Variants in NCK2 observed in about 807,000 individuals in gnomAD.
NCK2 encodes the protein cytoplasmic protein NCK2.
Under a neutral mutation model 33.9 loss-of-function variants are expected in NCK2, and 16 were observed. The observed-to-expected ratio is 0.47, with a 90% CI of 0.32 to 0.72. The LOEUF is 0.72. NCK2 is among the 30% of genes least tolerant of loss of function. The pLI is 0.03. For synonymous variants in NCK2, 273 were observed against 239.9 expected (o/e 1.14, Z -1.27); for missense variants, 418 against 537.3 (o/e 0.78, Z 2.19).
At chr2:105,856,503 G>A (rs1677277087) in intron 3 of NCK2, among the ~76,000 whole-genome samples, 1 of 152,212 alleles carries the variant, frequency 6.6e-6, no homozygotes, top group Non-Finnish European at 1.5e-5. Context: ...GGAGAATGAG[G>A]AATACGTAGG....
At chr2:105,807,182 C>A (rs1203246053) in intron 1 of NCK2, among the ~76,000 whole-genome samples, 1 of 152,218 alleles carries the variant, frequency 6.6e-6, no homozygotes, top group Non-Finnish European at 1.5e-5. Context: ...AGAACCTGGG[C>A]CCTGACCGGA....
intron 2 of NCK2, among the ~76,000 whole-genome samples, chr2:105,830,542 A>T (rs1430275947): frequency 6.6e-6 from 1 of 152,006 alleles, no homozygotes; most frequent in Non-Finnish European, 1.5e-5. Context: ...TTAACATGGG[A>T]GTGCAGCTGT....
intron 2 of NCK2, among the ~76,000 whole-genome samples, chr2:105,818,699 CTT>C (rs1280993109): frequency 6.6e-6 from 1 of 152,090 alleles, no homozygotes; most frequent in Admixed American, 6.5e-5. Flanking sequence ...TATAAAAAAA[CTT>C]TAATTTGCTT....
At chr2:105,754,312 AAAGT>A (rs2104336689) in intron 1 of NCK2, among the ~76,000 whole-genome samples, 1 of 152,340 alleles carries the variant, frequency 6.6e-6, no homozygotes, top group South Asian at 2.1e-4. Flanking sequence ...TGAGAAGTGA[AAAGT>A]AAGTTAGAAA....
At chr2:105,866,317 CT>C (rs1677758413) in intron 3 of NCK2, among the ~76,000 whole-genome samples, 1 of 152,104 alleles carries the variant, frequency 6.6e-6, no homozygotes, top group Non-Finnish European at 1.5e-5. Context: ...GACATTGTGT[CT>C]CTTTTCCCAG....
chr2:105,774,501 C>T (rs1403389663), intron 1 of NCK2, among the ~76,000 whole-genome samples: 1 of 152,030 alleles, frequency 6.6e-6, no homozygotes, highest in Non-Finnish European at 1.5e-5. Context: ...TGAATGGACC[C>T]CTTGGGCCCT....
At chr2:105,849,329 A>C (rs1342162033) in intron 2 of NCK2, among the ~76,000 whole-genome samples, 1 of 152,192 alleles carries the variant, frequency 6.6e-6, no homozygotes, top group South Asian at 2.1e-4. Flanking sequence ...TGGAGGCTAC[A>C]GTGAGCTGTG....
At chr2:105,839,980 T>C (rs1676579015) in intron 2 of NCK2, among the ~76,000 whole-genome samples, 1 of 152,148 alleles carries the variant, frequency 6.6e-6, no homozygotes, top group African/African-American at 2.4e-5. Flanking sequence ...GTAGTGGACA[T>C]GCAGGTAACA....
chr2:105,822,155 T>G lies in NCK2; in HGVS notation c.-17+5542T>G, dbSNP rs1289294001. On this transcript the variant is annotated intron_variant, in intron 2 of 4. Coordinates refer to ENST00000233154, the MANE Select transcript of NCK2 (RefSeq NM_003581.5). Reference sequence around the variant, plus strand: ...TTTTTTCTCCCCTAGAAAAATCTCCTGCAACTAAGTGCAGTTTGGAGAGTT... The same window carrying G: ...TTTTTTCTCCCCTAGAAAAATCTCCGGCAACTAAGTGCAGTTTGGAGAGTT... Among the ~76,000 whole-genome samples, 3 of 108,746 alleles carry G rather than the reference T, an allele frequency of 2.8e-5. No homozygotes were observed. In the East Asian group the frequency reaches 9.0e-4, roughly 32 times the overall value. 71.3% of individuals were successfully genotyped at this position (108,746 alleles called of 152,430 possible).
intron 2 of NCK2, among the ~76,000 whole-genome samples, chr2:105,818,357 A>G (rs974955040): frequency 6.6e-5 from 10 of 151,520 alleles, no homozygotes; most frequent in Admixed American, 3.3e-4. Flanking sequence ...CAGCACACCA[A>G]CATGGCACAT....
At chr2:105,776,660 A>G (rs1262724257) in intron 1 of NCK2, among the ~76,000 whole-genome samples, 1 of 152,074 alleles carries the variant, frequency 6.6e-6, no homozygotes, top group Non-Finnish European at 1.5e-5. Flanking sequence ...CTAGCAAGCC[A>G]CCTTCCTCCT....
At chr2:105,780,325 TACAC>T (rs57857814) in intron 1 of NCK2, among the ~76,000 whole-genome samples, 6,487 of 147,236 alleles carry the variant, frequency 0.044, 247 homozygotes, top group African/African-American at 0.11. Context: ...GAGAGATATA[TACAC>T]ACACACACAC....
intron 1 of NCK2, among the ~76,000 whole-genome samples, chr2:105,755,846 A>G (rs1039398096): frequency 2.6e-5 from 4 of 152,014 alleles, no homozygotes; most frequent in African/African-American, 9.7e-5. Flanking sequence ...ATAGGATTCT[A>G]GGTTCAGCCT....
chr2:105,745,306 C>T (rs879887208), intron 1 of NCK2, among the ~76,000 whole-genome samples, 168 bp downstream of exon 1: 1 of 151,740 alleles, frequency 6.6e-6, no homozygotes, highest in Admixed American at 6.6e-5. Flanking sequence ...GGCCTGGGCG[C>T]CCCCGACCGC....
intron 2 of NCK2, among the ~76,000 whole-genome samples, chr2:105,820,500 TGCA>T (rs1675686151): frequency 6.6e-6 from 1 of 152,040 alleles, no homozygotes; most frequent in Non-Finnish European, 1.5e-5. Context: ...TTCCACGTGG[TGCA>T]TTTCCCTACC....
chr2:105,763,338 CAG>C (rs1329089351), intron 1 of NCK2, among the ~76,000 whole-genome samples: 1 of 152,146 alleles, frequency 6.6e-6, no homozygotes, highest in African/African-American at 2.4e-5. Context: ...GGCTGCTGGC[CAG>C]AGACAGTCTA....
At chr2:105,836,179 G>C (rs1006591730) in intron 2 of NCK2, among the ~76,000 whole-genome samples, 1 of 150,498 alleles carries the variant, frequency 6.6e-6, no homozygotes, top group African/African-American at 2.5e-5. Context: ...TTGTTTCCTT[G>C]CTTTTTCGTG....
chr2:105,868,385 T>A (rs978619131), intron 3 of NCK2, among the ~76,000 whole-genome samples: 3 of 152,184 alleles, frequency 2.0e-5, no homozygotes, highest in African/African-American at 7.2e-5. Context: ...TGTTCATAAG[T>A]TAAAGGCTGG....
chr2:105,759,472 T>TATTACACGTA (rs57005277), intron 1 of NCK2, among the ~76,000 whole-genome samples: 1 of 151,900 alleles, frequency 6.6e-6, no homozygotes, highest in Admixed American at 6.6e-5. Flanking sequence ...TTTTATATAA[T>TATTACACGTA]AAAACATATG....
Sources: allele counts gnomAD v4.1 joint callset (sites outside exome capture counted in the v4.1 genomes callset), GRCh38; gene constraint gnomAD v4.1.1; transcripts MANE v1.5; gene names NCBI Gene and HGNC (gene_info 2026-07-23, HGNC 2026-07-21).